RNF24: variants seen among roughly 807,000 people sequenced by gnomAD.
RNF24 encodes the protein ring finger protein 24.
In RNF24, 14 loss-of-function variants were observed where a neutral mutation model predicts 20.0. The ratio of observed to expected loss-of-function variants is 0.70; its 90% CI spans 0.46 to 1.10. The LOEUF is 1.10. RNF24 is among the 50% of genes least tolerant of loss of function. The pLI is 0.00. For synonymous variants in RNF24, 45 were observed against 61.1 expected, an observed-to-expected ratio of 0.74 and a Z score of 1.23; for missense variants, 124 against 177.6, an observed-to-expected ratio of 0.70 and a Z score of 1.71.
At chr20:3,963,355 G>C (rs2091223422) in intron 2 of RNF24, among the ~76,000 whole-genome samples, 1 of 152,084 alleles carries the variant, frequency 6.6e-6, no homozygotes, top group Non-Finnish European at 1.5e-5. Flanking sequence ...ACCACGCCCA[G>C]CTAATTTTTG....
intron 1 of RNF24, among the ~76,000 whole-genome samples, chr20:4,001,796 T>C (rs1461592800): frequency 1.3e-5 from 2 of 151,718 alleles, no homozygotes; most frequent in African/African-American, 4.8e-5. Flanking sequence ...AATTAATAAA[T>C]AAACAGCTGG....
chr20:3,966,924 C>G (rs2091265108), intron 1 of RNF24, among the ~76,000 whole-genome samples: 1 of 152,202 alleles, frequency 6.6e-6, no homozygotes, highest in Non-Finnish European at 1.5e-5. Context: ...TCCTCACTAC[C>G]TGGCAGGGCC....
rs1002708575 is a variant in RNF24, at chr20:3,932,967, G to A, written c.*1096C>T. 1 of 398,018 alleles carries A rather than the reference G, an allele frequency of 2.5e-6. No homozygotes were observed. The highest frequency in any genetic ancestry group is 2.1e-5 in the African/African-American group (1 of 48,448). 24.7% of individuals were successfully genotyped at this position (398,018 alleles called of 1,614,324 possible). A position where few individuals can be genotyped will look rare whatever the true frequency, so the allele number is the denominator to read the frequency against. On this transcript the variant is annotated 3_prime_UTR_variant, in exon 6 of 6. Coordinates refer to ENST00000358395, the MANE Select transcript of RNF24 (RefSeq NM_001134337.3). ...ACCAACGGTGGACAGCCCTGCAGGA[G>A]CTTCCTGAAACTATCTACAATTCCA...
chr20:4,007,308 C>T (rs1981950139), intron 1 of RNF24, among the ~76,000 whole-genome samples: 1 of 152,168 alleles, frequency 6.6e-6, no homozygotes, highest in African/African-American at 2.4e-5. Flanking sequence ...GTACCTGACT[C>T]TCCCTAGCCT....
intron 4 of RNF24, among the ~76,000 whole-genome samples, chr20:3,938,986 C>T (rs2090923868): frequency 6.6e-6 from 1 of 152,100 alleles, no homozygotes; most frequent in Non-Finnish European, 1.5e-5. Context: ...CTCCTGAGCT[C>T]AAGCAATCTT....
chr20:4,013,090 G>A (rs1389743428), intron 1 of RNF24, among the ~76,000 whole-genome samples: 1 of 151,056 alleles, frequency 6.6e-6, no homozygotes, highest in African/African-American at 2.4e-5. Flanking sequence ...TTGATATTAA[G>A]ATTTTATTTA....
chr20:3,936,328 C>G (rs1450565632), intron 4 of RNF24, among the ~76,000 whole-genome samples: 1 of 152,194 alleles, frequency 6.6e-6, no homozygotes, highest in Non-Finnish European at 1.5e-5. Context: ...GGCCTCTGCC[C>G]TCAGGATTCC....
At chr20:3,952,692 A>G (rs1343640253) in intron 2 of RNF24, among the ~76,000 whole-genome samples, 9 of 151,226 alleles carry the variant, frequency 6.0e-5, no homozygotes, top group African/African-American at 2.2e-4. Flanking sequence ...TTTTCTTTAG[A>G]TATTTTTTGT....
intron 2 of RNF24, among the ~76,000 whole-genome samples, chr20:3,959,833 T>A (rs1332752396): frequency 3.3e-5 from 5 of 152,234 alleles, no homozygotes; most frequent in African/African-American, 1.2e-4. Flanking sequence ...GTTCATTCAT[T>A]CACCCAGCAA....
At chr20:3,936,994 T>C (rs2090899076) in intron 4 of RNF24, among the ~76,000 whole-genome samples, 1 of 152,052 alleles carries the variant, frequency 6.6e-6, no homozygotes, top group Non-Finnish European at 1.5e-5. Context: ...ATGCCAACCA[T>C]ACCCGGCTAA....
At chr20:3,953,525 C>T (rs557285487) in intron 2 of RNF24, among the ~76,000 whole-genome samples, 6 of 148,334 alleles carry the variant, frequency 4.0e-5, no homozygotes, top group Non-Finnish European at 5.9e-5. Context: ...AATGCAGTGG[C>T]GCAATCTCAG....
chr20:3,934,036 C>A lies in RNF24; in HGVS notation c.*27G>T. 1 of 1,428,876 alleles carries A rather than the reference C, an allele frequency of 7.0e-7. No individual in the cohort carries two copies. The highest frequency in any genetic ancestry group is 9.2e-7 in the Non-Finnish European group (1 of 1,086,548). 88.5% of individuals were successfully genotyped at this position (1,428,876 alleles called of 1,614,324 possible). On this transcript the variant is annotated 3_prime_UTR_variant, in exon 6 of 6. Transcript: ENST00000358395. The surrounding 1 kb of genome is among the most constrained non-coding windows in gnomAD (Gnocchi z 4.0). ...CCTGGCTCCACACAGACGTCGTGTC[C>A]AGCAACAGTCTGATCCTTGCGGTAA...
intron 2 of RNF24, among the ~76,000 whole-genome samples, chr20:3,954,836 T>C (rs956603671): frequency 1.3e-5 from 2 of 151,878 alleles, no homozygotes; most frequent in East Asian, 1.9e-4. Flanking sequence ...GAGGCAGAGA[T>C]TGCAGTGAGC....
At chr20:4,007,738 CAAAAAAAAAAAAAA>C (rs1161702317) in intron 1 of RNF24, among the ~76,000 whole-genome samples, 1 of 56,328 alleles carries the variant, frequency 1.8e-5, no homozygotes, top group Non-Finnish European at 3.6e-5. Flanking sequence ...CCTGTCTCTA[CAAAAAAAAAAAAAA>C]AAAAAGAAAA....
intron 1 of RNF24, among the ~76,000 whole-genome samples, chr20:4,003,398 T>C (rs1981577074): frequency 2.0e-5 from 3 of 152,206 alleles, no homozygotes; most frequent in Admixed American, 2.0e-4. Context: ...TGACTAAGTT[T>C]CTTTGGAGGT....
intron 1 of RNF24, among the ~76,000 whole-genome samples, chr20:3,995,163 C>A (rs1266722257): frequency 6.6e-6 from 1 of 152,184 alleles, no homozygotes; most frequent in African/African-American, 2.4e-5. Flanking sequence ...GTCTCAATGT[C>A]CCATCTATAA....
chr20:3,994,985 G>A (rs1304285756), intron 1 of RNF24, among the ~76,000 whole-genome samples: 2 of 152,204 alleles, frequency 1.3e-5, no homozygotes, highest in Non-Finnish European at 1.5e-5. Context: ...CCTTAAAAGT[G>A]AGAGAAAACA....
intron 1 of RNF24, among the ~76,000 whole-genome samples, chr20:3,972,229 C>G (rs1316430999): frequency 6.6e-6 from 1 of 152,100 alleles, no homozygotes; most frequent in Non-Finnish European, 1.5e-5. Context: ...CTCCCAACAG[C>G]TGATGAAACA....
chr20:4,006,748 C>T (rs1019466468), intron 1 of RNF24, among the ~76,000 whole-genome samples: 2 of 152,196 alleles, frequency 1.3e-5, no homozygotes, highest in African/African-American at 4.8e-5. Flanking sequence ...CTATGGAGGG[C>T]CAGTGCAACT....
Sources: allele counts gnomAD v4.1 joint callset (sites outside exome capture counted in the v4.1 genomes callset), GRCh38; gene constraint gnomAD v4.1.1; non-coding constraint Gnocchi (gnomAD v3.1); transcripts MANE v1.5; gene names NCBI Gene and HGNC (gene_info 2026-07-23, HGNC 2026-07-21).